Variants in DSE observed in about 807,000 individuals in gnomAD.
DSE encodes dermatan sulfate epimerase.
A neutral mutation model predicts 84.4 loss-of-function variants in DSE; 36 were observed. The ratio of observed to expected loss-of-function variants is 0.43; its 90% CI spans 0.33 to 0.56. The LOEUF (loss-of-function observed/expected upper bound fraction) is 0.56, where lower values mean the gene tolerates loss of function less well. Among genes scored for constraint, DSE ranks in the 20% least tolerant of loss-of-function variants. The pLI is 0.06. For missense variants in DSE, 862 were observed against 1,169.6 expected (o/e 0.74, Z 3.84); for synonymous variants, 410 against 430.1 (o/e 0.95, Z 0.58).
intron 2 of DSE, among the ~76,000 whole-genome samples, chr6:116,352,622 C>G (rs143660813): frequency 6.6e-6 from 1 of 152,052 alleles, no homozygotes; most frequent in Non-Finnish European, 1.5e-5. Context: ...AAATAAAAAA[C>G]AGGAACTTTG....
intron 1 of DSE, among the ~76,000 whole-genome samples, chr6:116,378,274 AGAAAGGTT>A (rs1317563152): frequency 6.6e-6 from 1 of 152,194 alleles, no homozygotes; most frequent in Non-Finnish European, 1.5e-5. Context: ...TTTTCTGTTT[AGAAAGGTT>A]TAAATGGGGT....
intron 3 of DSE, among the ~76,000 whole-genome samples, chr6:116,428,150 C>G (rs1346189548): frequency 1.3e-5 from 2 of 152,172 alleles, no homozygotes; most frequent in Admixed American, 1.3e-4. Flanking sequence ...GATCCCACCA[C>G]TGCACTCCAG....
upstream of DSE, chr6:116,366,275 G>A (rs1779160800): frequency 6.6e-6 from 1 of 152,142 alleles, no homozygotes; most frequent in South Asian, 2.1e-4. Context: ...GCTCTTATTT[G>A]ATGGACACAT....
chr6:116,333,412 G>A (rs571870084), intron 2 of DSE, among the ~76,000 whole-genome samples: 2 of 152,214 alleles, frequency 1.3e-5, no homozygotes, highest in East Asian at 3.9e-4. Flanking sequence ...GAAAAAGAGG[G>A]CCAAACTCCT....
intron 1 of DSE, among the ~76,000 whole-genome samples, chr6:116,391,198 C>G (rs540153234): frequency 6.6e-6 from 1 of 152,246 alleles, no homozygotes; most frequent in South Asian, 2.1e-4. Flanking sequence ...TTCATGAAAA[C>G]CTTTCAGGGG....
At chr6:116,254,837 C>G (rs544907372) in intron 1 of DSE, 3 of 152,584 alleles carry the variant, frequency 2.0e-5, no homozygotes, top group African/African-American at 7.2e-5. Context: ...TTCTTTTCCT[C>G]AGGTTACAAT....
intron 2 of DSE, among the ~76,000 whole-genome samples, chr6:116,287,242 G>GA (rs1057408924): frequency 1.3e-5 from 2 of 151,862 alleles, no homozygotes; most frequent in African/African-American, 4.8e-5. Context: ...GTATTGCTTG[G>GA]AAAAAAATAT....
chr6:116,411,555 C>CT (rs1295835003), intron 2 of DSE, among the ~76,000 whole-genome samples: 1 of 152,044 alleles, frequency 6.6e-6, no homozygotes, highest in Non-Finnish European at 1.5e-5. Flanking sequence ...ACTTAGTGAG[C>CT]AATTTTTAGT....
At chr6:116,261,467 T>C (rs1242870033) in intron 2 of DSE, among the ~76,000 whole-genome samples, 10 of 152,200 alleles carry the variant, frequency 6.6e-5, no homozygotes, top group Non-Finnish European at 1.5e-5. Context: ...ACATTGATTT[T>C]GTATCCTGAG....
At chr6:116,410,324 G>A (rs940888226) in intron 2 of DSE, among the ~76,000 whole-genome samples, 4 of 152,186 alleles carry the variant, frequency 2.6e-5, no homozygotes, top group Middle Eastern at 3.4e-3. Context: ...CTACCCTGAT[G>A]CCCCAGTGCC....
At chr6:116,382,376 C>T (rs1251765987) in intron 1 of DSE, among the ~76,000 whole-genome samples, 1 of 152,136 alleles carries the variant, frequency 6.6e-6, no homozygotes, top group Non-Finnish European at 1.5e-5. Context: ...AACTTGTTGT[C>T]TCTTCTGTCT....
At chr6:116,296,699 A>C (rs759081101) in intron 2 of DSE, among the ~76,000 whole-genome samples, 2 of 152,210 alleles carry the variant, frequency 1.3e-5, no homozygotes, top group African/African-American at 2.4e-5. Flanking sequence ...GTGGCTGAGT[A>C]GTGAACATCC....
intron 2 of DSE, chr6:116,278,788 A>C (rs773159856): frequency 1.9e-6 from 3 of 1,613,852 alleles, no homozygotes; most frequent in Non-Finnish European, 2.5e-6. Flanking sequence ...AAGAGACACC[A>C]CTCGGCCGGA....
chr6:116,379,841 G>A (rs1562267230), intron 1 of DSE, among the ~76,000 whole-genome samples: 1 of 152,086 alleles, frequency 6.6e-6, no homozygotes, highest in East Asian at 1.9e-4. Flanking sequence ...ATTTCATCTT[G>A]CAAATTTCAG....
At chr6:116,332,208 C>T in intron 2 of DSE, among the ~76,000 whole-genome samples, 1 of 151,872 alleles carries the variant, frequency 6.6e-6, no homozygotes, top group East Asian at 1.9e-4. Flanking sequence ...AATATTTTAG[C>T]AGTTGTAAAA....
intron 2 of DSE, among the ~76,000 whole-genome samples, chr6:116,274,715 C>G (rs762000071): frequency 6.6e-6 from 1 of 152,110 alleles, no homozygotes; most frequent in Non-Finnish European, 1.5e-5. Context: ...AAGTGTTGCA[C>G]AGTACATTTT....
chr6:116,358,714 A>G (rs1243992164), intron 2 of DSE, among the ~76,000 whole-genome samples: 1 of 152,160 alleles, frequency 6.6e-6, no homozygotes, highest in African/African-American at 2.4e-5. Flanking sequence ...AACCTTATCT[A>G]TTTGCTACAG....
intron 2 of DSE, among the ~76,000 whole-genome samples, chr6:116,403,810 C>T (rs921521086): frequency 1.2e-4 from 18 of 152,180 alleles, no homozygotes; most frequent in African/African-American, 4.3e-4. Context: ...ATGAAGAACC[C>T]TCGCAGCCTT....
chr6:116,306,311 A>G (rs1277258031), intron 2 of DSE, among the ~76,000 whole-genome samples: 2 of 152,210 alleles, frequency 1.3e-5, no homozygotes. Context: ...AACAGACTTT[A>G]TTATAACATA....
Sources: allele counts gnomAD v4.1 joint callset (sites outside exome capture counted in the v4.1 genomes callset), GRCh38; gene constraint gnomAD v4.1.1; transcripts MANE v1.5; gene names NCBI Gene and HGNC (gene_info 2026-07-23, HGNC 2026-07-21).